Variants in LNX2 observed in about 807,000 individuals in gnomAD.
LNX2 encodes ligand of Numb protein X 2.
A neutral mutation model predicts 66.2 loss-of-function variants in LNX2; 35 were observed. That is an observed-to-expected ratio of 0.53 (90% CI 0.40 to 0.70). LNX2 has a LOEUF of 0.70. LNX2 is among the 30% of genes least tolerant of loss of function. The pLI is 0.00. For missense variants in LNX2, 791 were observed against 850.8 expected (o/e 0.93, Z 0.87); for synonymous variants, 337 against 315.6 (o/e 1.07, Z -0.72).
chr13:27,610,604 T>C (rs1187428955), intron 1 of LNX2, among the ~76,000 whole-genome samples: 1 of 152,204 alleles, frequency 6.6e-6, no homozygotes, highest in Non-Finnish European at 1.5e-5. Flanking sequence ...AAGGATTTCT[T>C]GGATATGACA....
At chr13:27,605,557 G>A (rs1955705095) in intron 1 of LNX2, among the ~76,000 whole-genome samples, 1 of 152,170 alleles carries the variant, frequency 6.6e-6, no homozygotes, top group South Asian at 2.1e-4. Flanking sequence ...CCCTAGTACA[G>A]TAAAGAGTAA....
At chr13:27,570,847 TACAG>T (rs1290113403) in intron 2 of LNX2, among the ~76,000 whole-genome samples, 7 of 152,010 alleles carry the variant, frequency 4.6e-5, no homozygotes, top group African/African-American at 9.7e-5. Context: ...TAAGAAGAAA[TACAG>T]ACAGATTATG....
chr13:27,585,995 T>C (rs1955480486), intron 1 of LNX2, among the ~76,000 whole-genome samples: 2 of 98,590 alleles, frequency 2.0e-5, no homozygotes, highest in Admixed American at 1.8e-4. Flanking sequence ...AGTGTATATA[T>C]ATACACTTAT....
chr13:27,579,254 C>CTGT (rs1955373633), intron 2 of LNX2, among the ~76,000 whole-genome samples: 1 of 152,158 alleles, frequency 6.6e-6, no homozygotes. Flanking sequence ...AAAGGTCAGG[C>CTGT]TGTTCATCAC....
chr13:27,619,190 T>C (rs886517312), intron 1 of LNX2, among the ~76,000 whole-genome samples: 1 of 152,342 alleles, frequency 6.6e-6, no homozygotes, highest in East Asian at 1.9e-4. Flanking sequence ...TTTTACCCCA[T>C]GGGAAAACTC....
chr13:27,615,178 C>CT (rs1356965449), intron 1 of LNX2, among the ~76,000 whole-genome samples: 1 of 152,234 alleles, frequency 6.6e-6, no homozygotes, highest in African/African-American at 2.4e-5. Flanking sequence ...AAAATTCTAA[C>CT]TGACTGGCCT....
In LNX2 at chr13:27,548,430, C is replaced by T. The variant is rs35562382; in HGVS notation, c.1978G>A (p.Val660Met). Residue 660 changes from valine to methionine, a missense_variant, in exon 10 of 10, where the codon GTG (valine) becomes ATG (methionine). By Grantham distance (21) the Val-to-Met change is conservative. Coordinates refer to ENST00000316334, the MANE Select transcript of LNX2 (RefSeq NM_153371.4). ...MIVAVNGLST[V>M]GMSHSALVPM... ...ACTAGTGCAGAGTGGCTCATGCCCA[C>T]GGTTGACAGCCCATTTACGGCCACA... is the stretch of plus-strand genomic sequence containing the variant. The T allele has an allele frequency of 6.2e-4, 1,000 of 1,613,994 alleles. 12 individuals are homozygous for T. The South Asian group carries it at 0.01, about 16-fold the overall frequency.
rs571475495 is a variant in LNX2, at chr13:27,570,316, A to G, written c.408-1040T>C. ...GCCTAGGGTTGCAGACCTTCATTCA[A>G]CAATATTTTTAAAACTCCAAAATTT... On this transcript the variant is annotated intron_variant, in intron 2 of 9. Transcript: ENST00000316334. Among the ~76,000 whole-genome samples, 6 of 152,358 alleles carry G rather than the reference A, an allele frequency of 3.9e-5. No homozygotes were observed. The East Asian group carries it at 1.2e-3, about 29-fold the overall frequency.
At position 27,583,213 on chromosome 13, in the gene LNX2, T is replaced by TCCTCTCCAATATAA. The variant is rs1566124691; in HGVS notation, c.-100-1411_-100-1410insTTATATTGGAGAGG. Among the ~76,000 whole-genome samples, 37 of 23,250 alleles carry TCCTCTCCAATATAA rather than the reference T, an allele frequency of 1.6e-3. 4 individuals carry two copies. Among genetic ancestry groups the TCCTCTCCAATATAA allele is most frequent in the Middle Eastern group, 0.022 (1 of 46 alleles). 15.3% of individuals were successfully genotyped at this position (23,250 alleles called of 152,430 possible). A position where few individuals can be genotyped will look rare whatever the true frequency, so the allele number is the denominator to read the frequency against. ...GTGTGTGTGTGTGTGTGTGTGTGTGTGTGTGTGTGTGTGTGTGTGTGTGTG... is the reference window on the plus strand; with the variant it reads ...GTGTGTGTGTGTGTGTGTGTGTGTGTCCTCTCCAATATAAGTGTGTGTGTGTGTGTGTGTGTGTG... On this transcript the variant is annotated intron_variant, in intron 1 of 9. Transcript: ENST00000316334.
chr13:27,549,030 A>G (rs1460502487), intron 9 of LNX2, among the ~76,000 whole-genome samples: 1 of 152,152 alleles, frequency 6.6e-6, no homozygotes, highest in African/African-American at 2.4e-5. Flanking sequence ...ATACTATTTT[A>G]TTGTTAACTA....
chr13:27,594,443 TAC>T (rs1283287871), intron 1 of LNX2, among the ~76,000 whole-genome samples: 1 of 152,202 alleles, frequency 6.6e-6, no homozygotes, highest in African/African-American at 2.4e-5. Flanking sequence ...TGTAATTGAA[TAC>T]ACTCACTTTT....
chr13:27,572,671 A>T (rs1276379545), intron 2 of LNX2, among the ~76,000 whole-genome samples: 1 of 152,208 alleles, frequency 6.6e-6, no homozygotes, highest in Non-Finnish European at 1.5e-5. Context: ...AATTTGATTT[A>T]TGCTACAGTG....
chr13:27,578,881 T>A (rs112472451), intron 2 of LNX2, among the ~76,000 whole-genome samples: 3,790 of 152,312 alleles, frequency 0.025, 167 homozygotes, highest in African/African-American at 0.086. Context: ...CCTGTCTGCA[T>A]CCTGACTCAC....
chr13:27,615,859 T>A (rs1438046461), intron 1 of LNX2, among the ~76,000 whole-genome samples: 1 of 152,158 alleles, frequency 6.6e-6, no homozygotes, highest in Non-Finnish European at 1.5e-5. Flanking sequence ...GACCAATGAC[T>A]GTTTCAAAGA....
intron 1 of LNX2, among the ~76,000 whole-genome samples, chr13:27,590,219 TTTTTTA>T (rs1291925059): frequency 6.6e-6 from 1 of 151,898 alleles, no homozygotes; most frequent in South Asian, 2.1e-4. Context: ...CTATGGTTGG[TTTTTTA>T]TTTTTATTTT....
intron 1 of LNX2, among the ~76,000 whole-genome samples, chr13:27,616,663 A>G (rs1955830579): frequency 6.6e-6 from 1 of 152,242 alleles, no homozygotes; most frequent in Admixed American, 6.5e-5. Flanking sequence ...CACACATTCT[A>G]AAGGATAGAA....
intron 1 of LNX2, among the ~76,000 whole-genome samples, chr13:27,582,830 T>G (rs969505897): frequency 6.6e-6 from 1 of 152,152 alleles, no homozygotes; most frequent in Non-Finnish European, 1.5e-5. Flanking sequence ...CCATGGCACA[T>G]GTATACCTAA....
At chr13:27,562,347 T>C in intron 5 of LNX2, 66 bp downstream of exon 5, 1 of 1,515,650 alleles carries the variant, frequency 6.6e-7, no homozygotes. Flanking sequence ...TATTGGCCAG[T>C]GAAAACAAAT....
intron 3 of LNX2, 80 bp downstream of exon 3, chr13:27,568,949 A>T: frequency 7.1e-7 from 1 of 1,406,670 alleles, no homozygotes; most frequent in East Asian, 2.6e-5. Context: ...TTCTTTAAAG[A>T]TGAAAAAAGT....
Sources: gnomAD v4.1 joint callset for allele counts (sites outside exome capture counted in the v4.1 genomes callset) on GRCh38, gnomAD v4.1.1 for gene constraint, MANE v1.5 for transcripts, NCBI Gene and HGNC (gene_info 2026-07-23, HGNC 2026-07-21) for gene names.